VTI1A: variants seen among roughly 807,000 people sequenced by gnomAD.
VTI1A encodes vesicle transport through interaction with t-SNAREs homolog 1A.
VTI1A carries 22 observed loss-of-function variants against 34.9 expected under a neutral mutation model. That is an observed-to-expected ratio of 0.63 (90% CI 0.45 to 0.90). VTI1A has a LOEUF of 0.90. Ranked by LOEUF, VTI1A falls within the 40% of genes least tolerant of loss-of-function variation. VTI1A has a pLI of 0.00. For synonymous variants in VTI1A, 87 were observed against 97.3 expected, an observed-to-expected ratio of 0.89 and a Z score of 0.62; for missense variants, 268 against 275.6, an observed-to-expected ratio of 0.97 and a Z score of 0.20.
chr10:112,712,507 C>CACACACACACACAT (rs1312636906), intron 7 of VTI1A, among the ~76,000 whole-genome samples: 3 of 151,642 alleles, frequency 2.0e-5, no homozygotes, highest in African/African-American at 7.3e-5. Flanking sequence ...CACACACACA[C>CACACACACACACAT]ACACATTAAA....
chr10:112,784,572 T>A (rs1852226743), intron 7 of VTI1A, among the ~76,000 whole-genome samples: 1 of 152,212 alleles, frequency 6.6e-6, no homozygotes, highest in African/African-American at 2.4e-5. Flanking sequence ...AATTGGGCGA[T>A]AAGTCAGTGT....
intron 7 of VTI1A, among the ~76,000 whole-genome samples, chr10:112,716,920 C>G (rs1849631249): frequency 6.6e-6 from 1 of 152,214 alleles, no homozygotes; most frequent in South Asian, 2.1e-4. Context: ...GCCAGTGGTA[C>G]CTTAGAGGGG....
intron 5 of VTI1A, among the ~76,000 whole-genome samples, chr10:112,545,990 A>G (rs964118592): frequency 4.9e-5 from 7 of 143,468 alleles, no homozygotes; most frequent in East Asian, 4.0e-4. Context: ...GTGTGTGTAT[A>G]TACGTGTATA....
chr10:112,613,079 TA>T (rs1303195499), intron 5 of VTI1A, among the ~76,000 whole-genome samples: 2 of 152,184 alleles, frequency 1.3e-5, no homozygotes, highest in Non-Finnish European at 2.9e-5. Flanking sequence ...GAATAAATAT[TA>T]CTCTTTCTAA....
intron 3 of VTI1A, among the ~76,000 whole-genome samples, chr10:112,525,481 G>C (rs181894142): frequency 6.6e-6 from 1 of 152,252 alleles, no homozygotes; most frequent in Non-Finnish European, 1.5e-5. Flanking sequence ...TGTGAGTCAG[G>C]ACCCCAGTGT....
chr10:112,552,899 T>C (rs560156446), intron 5 of VTI1A, among the ~76,000 whole-genome samples: 4 of 152,344 alleles, frequency 2.6e-5, no homozygotes, highest in Admixed American at 6.5e-5. Context: ...TTTCGTGCCC[T>C]CTGTAAGTTG....
intron 5 of VTI1A, among the ~76,000 whole-genome samples, chr10:112,629,185 C>T (rs573300137): frequency 6.6e-6 from 1 of 152,270 alleles, no homozygotes; most frequent in Non-Finnish European, 1.5e-5. Flanking sequence ...GCGCTGTCAT[C>T]ATGGCTGCAG....
intron 7 of VTI1A, chr10:112,737,439 AAAGTTCTAACAAAAT>A: frequency 9.6e-7 from 1 of 1,040,082 alleles, no homozygotes. Context: ...ACTGAACAAA[AAAGTTCTAACAAAAT>A]AATAAGGCTG....
chr10:112,800,513 A>G (rs143681932), intron 7 of VTI1A, among the ~76,000 whole-genome samples: 14 of 152,212 alleles, frequency 9.2e-5, no homozygotes, highest in Non-Finnish European at 1.6e-4. Context: ...AATAGTTCCT[A>G]TAGTTATTTA....
intron 7 of VTI1A, among the ~76,000 whole-genome samples, chr10:112,749,203 G>A (rs1851016221): frequency 6.6e-6 from 1 of 152,194 alleles, no homozygotes; most frequent in South Asian, 2.1e-4. Flanking sequence ...CAGTCCAGTG[G>A]CCTTAGGTGG....
chr10:112,834,438 T>A, the VTI1A span, among the ~76,000 whole-genome samples: 2 of 152,212 alleles, frequency 1.3e-5, no homozygotes, highest in Non-Finnish European at 2.9e-5. Context: ...GACAGTCAGA[T>A]GGGATGCTTC....
At chr10:112,852,178 A>T in the VTI1A span, among the ~76,000 whole-genome samples, 1 of 152,172 alleles carries the variant, frequency 6.6e-6, no homozygotes, top group Non-Finnish European at 1.5e-5. Context: ...AATATGTTAT[A>T]ATATAAGACA....
chr10:112,831,031 G>A, the VTI1A span: 8 of 150,354 alleles, frequency 5.3e-5, no homozygotes, highest in Non-Finnish European at 8.9e-5. Flanking sequence ...TGTATTTTTT[G>A]TAGAGACATT....
the VTI1A span, among the ~76,000 whole-genome samples, chr10:112,834,028 A>G: frequency 1.3e-5 from 2 of 152,142 alleles, no homozygotes; most frequent in Non-Finnish European, 2.9e-5. Flanking sequence ...AGCCTAAGCA[A>G]GTTAATCAAC....
intron 7 of VTI1A, among the ~76,000 whole-genome samples, chr10:112,673,175 G>T (rs962251167): frequency 5.3e-5 from 8 of 151,804 alleles, no homozygotes; most frequent in East Asian, 1.9e-4. Context: ...AAAAAAATTC[G>T]CCAGGTGCAG....
the VTI1A span, among the ~76,000 whole-genome samples, chr10:112,842,959 G>A: frequency 6.6e-6 from 1 of 152,214 alleles, no homozygotes; most frequent in South Asian, 2.1e-4. Context: ...GGTCAGGCCA[G>A]CAGCTGCCAG....
chr10:112,663,542 A>G (rs1260326604), intron 5 of VTI1A, among the ~76,000 whole-genome samples: 1 of 152,236 alleles, frequency 6.6e-6, no homozygotes, highest in Non-Finnish European at 1.5e-5. Flanking sequence ...AAATAATGAA[A>G]GATGTTGAAA....
downstream of VTI1A, chr10:112,823,526 CCT>C (rs1481664071): frequency 6.6e-6 from 1 of 152,212 alleles, no homozygotes; most frequent in Non-Finnish European, 1.5e-5. Context: ...CCCTTCTTCT[CCT>C]CTCTCTGTCC....
intron 7 of VTI1A, among the ~76,000 whole-genome samples, chr10:112,765,019 A>G (rs78065116): frequency 0.16 from 23,754 of 152,226 alleles, 2,168 homozygotes; most frequent in Non-Finnish European, 0.21. Context: ...TTGCTACAAC[A>G]GCAATGATCC....
Sources: allele counts gnomAD v4.1 joint callset (sites outside exome capture counted in the v4.1 genomes callset), GRCh38; gene constraint gnomAD v4.1.1; transcripts MANE v1.5; gene names NCBI Gene and HGNC (gene_info 2026-07-23, HGNC 2026-07-21).